FRMD4A: variants seen among roughly 807,000 people sequenced by gnomAD.
FRMD4A encodes the protein FERM domain-containing protein 4A.
In FRMD4A, 29 loss-of-function variants were observed where a neutral mutation model predicts 129.1. That is an observed-to-expected ratio of 0.22 (90% CI 0.17 to 0.31). The LOEUF is 0.31. Ranked by LOEUF, FRMD4A falls within the 10% of genes least tolerant of loss-of-function variation. The pLI, the probability that FRMD4A is intolerant of heterozygous loss-of-function variation, is 1.00. For missense variants in FRMD4A, 1,272 were observed against 1,375.8 expected, an observed-to-expected ratio of 0.92 and a Z score of 1.19; for synonymous variants, 634 against 571.6, an observed-to-expected ratio of 1.11 and a Z score of -1.56.
At chr10:14,109,859 C>T (rs1310364832) in intron 2 of FRMD4A, among the ~76,000 whole-genome samples, 2 of 151,508 alleles carry the variant, frequency 1.3e-5, no homozygotes, top group East Asian at 1.9e-4. Context: ...GTAATCCCAG[C>T]GACTCAGGTG....
chr10:14,260,941 C>T (rs1351134703), intron 2 of FRMD4A, among the ~76,000 whole-genome samples: 1 of 152,186 alleles, frequency 6.6e-6, no homozygotes, highest in Non-Finnish European at 1.5e-5. Flanking sequence ...GGCACATTGT[C>T]CACCTCCATG....
At chr10:14,301,386 A>G (rs1846181236) in intron 2 of FRMD4A, among the ~76,000 whole-genome samples, 1 of 152,192 alleles carries the variant, frequency 6.6e-6, no homozygotes, top group South Asian at 2.1e-4. Flanking sequence ...CAGAAGTGGG[A>G]TGGTCTCCTG....
intron 2 of FRMD4A, among the ~76,000 whole-genome samples, chr10:13,864,023 T>G (rs532648314): frequency 6.6e-6 from 1 of 151,784 alleles, no homozygotes; most frequent in African/African-American, 2.4e-5. Context: ...TGAGATGGAG[T>G]CTCATTTTGT....
chr10:13,999,502 CA>C (rs2095634264), intron 2 of FRMD4A, among the ~76,000 whole-genome samples: 1 of 152,164 alleles, frequency 6.6e-6, no homozygotes. Context: ...TGGTTTTCCT[CA>C]TTAATGTTCC....
intron 2 of FRMD4A, among the ~76,000 whole-genome samples, chr10:14,314,452 C>T (rs1276486241): frequency 1.3e-5 from 2 of 152,140 alleles, no homozygotes; most frequent in East Asian, 1.9e-4. Context: ...TGTGAGCTAA[C>T]CTGCCCTATT....
chr10:13,899,758 T>A (rs1471390646), intron 2 of FRMD4A, among the ~76,000 whole-genome samples: 2 of 152,244 alleles, frequency 1.3e-5, no homozygotes, highest in African/African-American at 4.8e-5. Flanking sequence ...GCTCTTATTG[T>A]CCATGCTTGC....
At chr10:13,755,968 G>A (rs1303313940) in intron 8 of FRMD4A, 1 of 152,218 alleles carries the variant, frequency 6.6e-6, no homozygotes, top group Non-Finnish European at 1.5e-5. Flanking sequence ...CTGCTGAACA[G>A]AGCCAGGTAG....
At chr10:13,927,376 C>T (rs528506843) in intron 2 of FRMD4A, among the ~76,000 whole-genome samples, 1 of 152,208 alleles carries the variant, frequency 6.6e-6, no homozygotes, top group African/African-American at 2.4e-5. Context: ...TTTCTAGAAC[C>T]TAGACTCCTC....
intron 2 of FRMD4A, among the ~76,000 whole-genome samples, chr10:14,172,468 G>T (rs1221184898): frequency 6.6e-6 from 1 of 152,164 alleles, no homozygotes; most frequent in Non-Finnish European, 1.5e-5. Context: ...GATTTACGCA[G>T]AGCCTGGGTC....
At chr10:13,869,632 C>T (rs1018722073) in intron 2 of FRMD4A, among the ~76,000 whole-genome samples, 4 of 152,200 alleles carry the variant, frequency 2.6e-5, no homozygotes, top group African/African-American at 7.2e-5. Flanking sequence ...TCACAGGTGG[C>T]GGGCAGGTGT....
intron 2 of FRMD4A, among the ~76,000 whole-genome samples, chr10:14,172,186 A>C (rs1464797053): frequency 6.6e-6 from 1 of 152,232 alleles, no homozygotes; most frequent in Non-Finnish European, 1.5e-5. Context: ...AAGAATTCAC[A>C]GAAGCAATTT....
rs149919168 is a variant in FRMD4A, at chr10:13,836,090, C to T, written c.111+22757G>A. 1.1e-3 allele frequency among the ~76,000 whole-genome samples: 170 copies of T among 152,228 alleles called. 1 individual carries two copies. The highest frequency in any genetic ancestry group is 3.8e-3 in the African/African-American group (157 of 41,544). On this transcript the variant is annotated intron_variant, in intron 3 of 24. Coordinates refer to ENST00000357447, the MANE Select transcript of FRMD4A (RefSeq NM_018027.5). ...TCAGCTCACTGCAGCCTCTGCCTCC[C>T]GGGTTCAAGGGATTCTCCTGCTTCA...
chr10:13,809,384 G>A (rs545640111), intron 4 of FRMD4A, among the ~76,000 whole-genome samples: 37 of 152,322 alleles, frequency 2.4e-4, no homozygotes, highest in African/African-American at 8.9e-4. Flanking sequence ...TTGAAACTTA[G>A]GGTTTCCTTC....
intron 2 of FRMD4A, among the ~76,000 whole-genome samples, chr10:14,123,817 C>T (rs1459404809): frequency 6.6e-6 from 1 of 152,162 alleles, no homozygotes; most frequent in Non-Finnish European, 1.5e-5. Context: ...TTGTTTCCAG[C>T]GGGCTCCGTG....
intron 2 of FRMD4A, among the ~76,000 whole-genome samples, chr10:13,914,014 C>A (rs1270554198): frequency 2.6e-5 from 4 of 152,130 alleles, no homozygotes; most frequent in African/African-American, 7.2e-5. Flanking sequence ...TGCCTGTGGA[C>A]CAACACCCCT....
intron 2 of FRMD4A, among the ~76,000 whole-genome samples, chr10:14,240,563 G>C (rs1456487169): frequency 1.3e-5 from 2 of 152,126 alleles, no homozygotes; most frequent in African/African-American, 4.8e-5. Flanking sequence ...GGAGGTTCAA[G>C]TCTATGCCCT....
intron 2 of FRMD4A, among the ~76,000 whole-genome samples, chr10:13,955,093 C>A (rs1346854082): frequency 1.4e-5 from 2 of 143,098 alleles, no homozygotes; most frequent in African/African-American, 2.6e-5. Context: ...ACTCTTCCAA[C>A]CCCATGTTAA....
intron 2 of FRMD4A, among the ~76,000 whole-genome samples, chr10:13,912,505 T>C (rs1473784014): frequency 6.7e-6 from 1 of 150,344 alleles, no homozygotes; most frequent in Non-Finnish European, 1.5e-5. Flanking sequence ...AAATGTGATG[T>C]ATCCACATAA....
chr10:14,305,077 G>T (rs1050188157), intron 2 of FRMD4A, among the ~76,000 whole-genome samples: 2 of 152,132 alleles, frequency 1.3e-5, no homozygotes, highest in South Asian at 4.1e-4. Context: ...GTCCGCTTCT[G>T]GGGGAAACCA....
Sources: gnomAD v4.1 joint callset for allele counts (sites outside exome capture counted in the v4.1 genomes callset) on GRCh38, gnomAD v4.1.1 for gene constraint, MANE v1.5 for transcripts, NCBI Gene and HGNC (gene_info 2026-07-23, HGNC 2026-07-21) for gene names.